KMT2C: variants seen among roughly 807,000 people sequenced by gnomAD.
The protein encoded by KMT2C is lysine methyltransferase 2C.
KMT2C carries 88 observed loss-of-function variants against 507.9 expected under a neutral mutation model. The observed-to-expected ratio is 0.17, with a 90% CI of 0.15 to 0.21. The LOEUF (loss-of-function observed/expected upper bound fraction) is 0.21, where lower values mean the gene tolerates loss of function less well. Ranked by LOEUF, KMT2C falls within the 10% of genes least tolerant of loss-of-function variation. The pLI, the probability that KMT2C is intolerant of heterozygous loss-of-function variation, is 1.00. For synonymous variants in KMT2C, 2,049 were observed against 2,080.8 expected (o/e 0.98, Z 0.42); for missense variants, 4,954 against 5,957.8 (o/e 0.83, Z 5.55).
chr7:152,360,780 C>T (rs1315796106), intron 1 of KMT2C, among the ~76,000 whole-genome samples: 1 of 150,352 alleles, frequency 6.7e-6, no homozygotes, highest in South Asian at 2.1e-4. Flanking sequence ...ACCTGGGAGG[C>T]AGAAGTTGCG....
chr7:152,366,166 C>T (rs2097242178), intron 1 of KMT2C, among the ~76,000 whole-genome samples: 1 of 151,756 alleles, frequency 6.6e-6, no homozygotes, highest in African/African-American at 2.4e-5. Flanking sequence ...TGATATGGGC[C>T]CTGGAAAACA....
At chr7:152,380,609 G>A (rs558762949) in intron 1 of KMT2C, among the ~76,000 whole-genome samples, 27 of 151,756 alleles carry the variant, frequency 1.8e-4, no homozygotes, top group African/African-American at 5.6e-4. Context: ...ACAGTATTGC[G>A]CACCTGTATT....
intron 14 of KMT2C, among the ~76,000 whole-genome samples, chr7:152,246,992 G>A (rs1319171133): frequency 6.6e-6 from 1 of 151,906 alleles, no homozygotes; most frequent in East Asian, 1.9e-4. Flanking sequence ...AAAATTATAC[G>A]ATTAAAATCA....
chr7:152,226,254 G>A lies in KMT2C; in HGVS notation c.2977-1638C>T, dbSNP rs575987456. Among the ~76,000 whole-genome samples the A allele has an allele frequency of 3.6e-3, 411 of 115,578 alleles. 6 individuals are homozygous for A. Among genetic ancestry groups the A allele is most frequent in the African/African-American group, 0.014 (389 of 27,594 alleles). 75.8% of individuals were successfully genotyped at this position (115,578 alleles called of 152,430 possible). A position where few individuals can be genotyped will look rare whatever the true frequency, so the allele number is the denominator to read the frequency against. ...TTTTTTTTTTTTTTTTTGAGATGGA[G>A]TCTTGCTCTGCTCTGTTGCCTAGGC... On this transcript the variant is annotated intron_variant, in intron 18 of 58. Transcript: ENST00000262189.
chr7:152,367,445 T>A, intron 1 of KMT2C: 5 of 737,572 alleles, frequency 6.8e-6, no homozygotes, highest in Non-Finnish European at 7.1e-6. Context: ...CTGGAACTCC[T>A]GAGCTCAAAC....
intron 34 of KMT2C, among the ~76,000 whole-genome samples, chr7:152,184,243 A>G (rs938119554): frequency 6.6e-6 from 1 of 152,080 alleles, no homozygotes; most frequent in African/African-American, 2.4e-5. Context: ...ACACATCTAT[A>G]TATATATATG....
chr7:152,167,095 A>G (rs1441163731), intron 42 of KMT2C, 51 bp downstream of exon 42: 2 of 1,418,352 alleles, frequency 1.4e-6, no homozygotes, highest in East Asian at 4.6e-5. Flanking sequence ...ACACCAAAAC[A>G]TTCTACTCAT....
At chr7:152,165,891 G>A (rs748454623) in intron 42 of KMT2C, among the ~76,000 whole-genome samples, 3 of 152,098 alleles carry the variant, frequency 2.0e-5, no homozygotes, top group Non-Finnish European at 2.9e-5. Context: ...GTTTTGCCAC[G>A]TTGGCCAGCT....
Position 152,152,751 on chromosome 7 carries a change from A to G in KMT2C, c.12480T>C (p.Ser4160=), listed in dbSNP as rs1306891200. 2 of 1,614,096 alleles carry G rather than the reference A, an allele frequency of 1.2e-6. No homozygotes were observed. Among genetic ancestry groups the G allele is most frequent in the East Asian group, 2.2e-5 (1 of 44,898 alleles). ...GTACATTAGGCTGCTTCAGCCGGTA[A>G]GAGCTCACTAATCTGGGAGGGTTTG... The part of the protein sequence containing the change: ...GSANPPRLVS[S]YRLKQPNVPF... Residue 4160 remains serine, a synonymous_variant, in exon 49 of 59, where the codon TCT becomes TCC. Coordinates refer to ENST00000262189, the MANE Select transcript of KMT2C (RefSeq NM_170606.3).
chr7:152,226,399 AT>A (rs1174618970), intron 18 of KMT2C, among the ~76,000 whole-genome samples: 4 of 151,432 alleles, frequency 2.6e-5, no homozygotes, highest in Non-Finnish European at 5.9e-5. Context: ...CACCCAGCTA[AT>A]TTTTGTACTT....
At position 152,183,057 on chromosome 7, in the gene KMT2C, T is replaced by C. The variant is rs778535573; in HGVS notation, c.5182A>G (p.Ser1728Gly). Residue 1728 changes from serine (S) to glycine (G), a missense_variant, in exon 35 of 59, where the codon AGC becomes GGC. Transcript: ENST00000262189. ...AAAAGCTCCGAATCAATACGAGAGC[T>C]GGGATCAATGCTATCTTGCTGTTGC... ...RQQQQDSIDP[S>G]SRIDSELFKD... 3.7e-6 allele frequency: 6 copies of C among 1,613,044 alleles called. No homozygotes were observed. The South Asian group carries it at 5.5e-5, about 15-fold the overall frequency.
chr7:152,324,817 T>C (rs2096810772), intron 3 of KMT2C, among the ~76,000 whole-genome samples: 2 of 151,984 alleles, frequency 1.3e-5, no homozygotes, highest in African/African-American at 4.8e-5. Flanking sequence ...ACTAGGACAT[T>C]ACAATATTAC....
intron 6 of KMT2C, among the ~76,000 whole-genome samples, chr7:152,297,051 A>AAGAAAGAAAGAAAGAAAGAAAGACAGAC (rs1356233143): frequency 3.0e-4 from 18 of 60,260 alleles, no homozygotes; most frequent in African/African-American, 6.8e-4. Flanking sequence ...GAAAGAAAGA[A>AAGAAAGAAAGAAAGAAAGAAAGACAGAC]AGACAGAGAG....
At chr7:152,206,021 G>C (rs2094299342) in intron 24 of KMT2C, among the ~76,000 whole-genome samples, 1 of 152,158 alleles carries the variant, frequency 6.6e-6, no homozygotes, top group African/African-American at 2.4e-5. Flanking sequence ...TAACAGCATG[G>C]AATCTGGAGT....
At chr7:152,212,812 G>A (rs1445174054) in intron 23 of KMT2C, among the ~76,000 whole-genome samples, 27 of 152,294 alleles carry the variant, frequency 1.8e-4, no homozygotes, top group African/African-American at 4.3e-4. Context: ...AGGCCAAGGC[G>A]GGTAGATCAC....
chr7:152,225,778 G>T (rs2129148601), intron 18 of KMT2C, among the ~76,000 whole-genome samples: 1 of 152,246 alleles, frequency 6.6e-6, no homozygotes, highest in Non-Finnish European at 1.5e-5. Flanking sequence ...AGGAGGGTAG[G>T]ACTTCTCCCA....
At chr7:152,389,728 A>G (rs1022365416) in intron 1 of KMT2C, among the ~76,000 whole-genome samples, 1 of 152,130 alleles carries the variant, frequency 6.6e-6, no homozygotes, top group African/African-American at 2.4e-5. Context: ...GGTGTGAGCC[A>G]CCATGCTCGG....
intron 2 of KMT2C, among the ~76,000 whole-genome samples, chr7:152,350,439 T>C (rs2097101354): frequency 6.6e-6 from 1 of 152,192 alleles, no homozygotes; most frequent in South Asian, 2.1e-4. Flanking sequence ...CAAACCTAGA[T>C]GGTATAGCCT....
At chr7:152,193,331 G>A (rs1003327751) in intron 31 of KMT2C, among the ~76,000 whole-genome samples, 12 of 152,120 alleles carry the variant, frequency 7.9e-5, no homozygotes, top group African/African-American at 2.2e-4. Flanking sequence ...CAGAAAAGGG[G>A]AGAAATTGGT....
Sources: allele counts gnomAD v4.1 joint callset (sites outside exome capture counted in the v4.1 genomes callset), GRCh38; gene constraint gnomAD v4.1.1; transcripts MANE v1.5; gene names NCBI Gene and HGNC (gene_info 2026-07-23, HGNC 2026-07-21).